The following MAGI2 variants were observed in gnomAD, a reference collection of about 807,000 sequenced individuals.
MAGI2 encodes membrane-associated guanylate kinase, WW and PDZ domain-containing protein 2.
A neutral mutation model predicts 133.3 loss-of-function variants in MAGI2; 35 were observed. The ratio of observed to expected loss-of-function variants is 0.26; its 90% confidence interval spans 0.20 to 0.35. The LOEUF (loss-of-function observed/expected upper bound fraction) is 0.35. MAGI2 is among the 10% of genes least tolerant of loss of function. The pLI is 1.00. For missense variants in MAGI2, 1,636 were observed against 1,863.4 expected (o/e 0.88, Z 2.25); for synonymous variants, 729 against 710.6 (o/e 1.03, Z -0.41).
chr7:78,676,711 A>G (rs997266615), intron 2 of MAGI2, among the ~76,000 whole-genome samples: 3 of 152,090 alleles, frequency 2.0e-5, no homozygotes, highest in African/African-American at 7.2e-5. Flanking sequence ...ATCTTATTAC[A>G]TTATGGATGA....
At chr7:79,427,718 G>C (rs572853023) in intron 1 of MAGI2, among the ~76,000 whole-genome samples, 1 of 152,264 alleles carries the variant, frequency 6.6e-6, no homozygotes, top group South Asian at 2.1e-4. Context: ...AATTCTTAAT[G>C]TCAGGCTAAA....
intron 2 of MAGI2, among the ~76,000 whole-genome samples, chr7:78,693,812 T>C (rs1817217703): frequency 6.6e-6 from 1 of 152,138 alleles, no homozygotes; most frequent in Non-Finnish European, 1.5e-5. Flanking sequence ...TGCATTTCCT[T>C]CTATCTTTTC....
intron 21 of MAGI2, among the ~76,000 whole-genome samples, chr7:78,044,706 C>CGCGTGT (rs556210728): frequency 0.016 from 1,841 of 113,604 alleles, 37 homozygotes; most frequent in African/African-American, 0.059. Flanking sequence ...TGTGTGTGTG[C>CGCGTGT]ACGTGTGCAC....
rs112026896 is a variant in MAGI2, at chr7:78,602,121, T to C, written c.538+24999A>G. On this transcript the variant is annotated intron_variant, in intron 3 of 21. Transcript: ENST00000354212. ...CAATTTCTCTTCTTTCACTCTCTCT[T>C]CTCCATACATTATAATTTCAGGAGA... is the stretch of plus-strand genomic sequence containing the variant. Among the ~76,000 whole-genome samples the C allele has an allele frequency of 7.9e-3, 1,205 of 152,218 alleles. 11 individuals are homozygous for C. Among genetic ancestry groups the C allele is most frequent in the African/African-American group, 0.028 (1,148 of 41,514 alleles).
chr7:78,537,169 CTA>C lies in MAGI2; in HGVS notation c.539-15526_539-15525del, dbSNP rs1491588490. ...CTTTTTATGGCTGAATAGTATTCCA[CTA>C]CACACACACACACACACACACACAC... On this transcript the variant is annotated intron_variant, in intron 3 of 21. Coordinates refer to ENST00000354212, the MANE Select transcript of MAGI2 (RefSeq NM_012301.4). Among the ~76,000 whole-genome samples, 298 of 93,736 alleles carry C rather than the reference CTA, an allele frequency of 3.2e-3. 5 individuals carry two copies. Among genetic ancestry groups the C allele is most frequent in the South Asian group, 0.023 (61 of 2,624 alleles). 61.5% of individuals were successfully genotyped at this position (93,736 alleles called of 152,430 possible).
chr7:78,364,906 T>C (rs1793214286), intron 7 of MAGI2, among the ~76,000 whole-genome samples: 1 of 152,244 alleles, frequency 6.6e-6, no homozygotes, highest in Admixed American at 6.5e-5. Flanking sequence ...TAGTGCTAAG[T>C]GCTGCACCAT....
At chr7:78,624,415 G>C (rs1808097282) in intron 3 of MAGI2, among the ~76,000 whole-genome samples, 1 of 152,096 alleles carries the variant, frequency 6.6e-6, no homozygotes, top group African/African-American at 2.4e-5. Context: ...GTTAATGAAA[G>C]ACTGGATAAA....
At chr7:79,163,798 A>G (rs1244483260) in intron 1 of MAGI2, among the ~76,000 whole-genome samples, 3 of 151,968 alleles carry the variant, frequency 2.0e-5, no homozygotes, top group African/African-American at 7.2e-5. Context: ...TCTTTTTGAT[A>G]TTTGTTACTA....
intron 2 of MAGI2, among the ~76,000 whole-genome samples, chr7:78,891,271 G>A (rs751561447): frequency 4.6e-5 from 7 of 152,226 alleles, no homozygotes; most frequent in East Asian, 1.9e-4. Context: ...AGGACCAGAC[G>A]GATTCAAAGC....
chr7:78,231,412 C>G (rs1437229710), intron 10 of MAGI2, among the ~76,000 whole-genome samples: 1 of 152,210 alleles, frequency 6.6e-6, no homozygotes, highest in Admixed American at 6.5e-5. Flanking sequence ...CCCCTGCGCT[C>G]TAAATGCCAG....
At chr7:78,928,946 A>T (rs1325451873) in intron 2 of MAGI2, among the ~76,000 whole-genome samples, 2 of 152,096 alleles carry the variant, frequency 1.3e-5, no homozygotes, top group Non-Finnish European at 2.9e-5. Context: ...AAATTAACAG[A>T]TACCATCCAA....
chr7:78,269,248 T>C (rs544417898), intron 9 of MAGI2, among the ~76,000 whole-genome samples: 1 of 152,258 alleles, frequency 6.6e-6, no homozygotes, highest in South Asian at 2.1e-4. Context: ...ATAAACATAT[T>C]TGTGCATGAG....
chr7:78,723,108 G>A (rs1201273402), intron 2 of MAGI2, among the ~76,000 whole-genome samples: 4 of 152,106 alleles, frequency 2.6e-5, no homozygotes, highest in Non-Finnish European at 5.9e-5. Context: ...GATCAAGGAA[G>A]CATCCATACT....
chr7:79,010,311 G>T (rs576543849), intron 1 of MAGI2, among the ~76,000 whole-genome samples: 2 of 152,058 alleles, frequency 1.3e-5, no homozygotes, highest in African/African-American at 4.8e-5. Context: ...ACATACATAG[G>T]TATAAAGGCA....
intron 9 of MAGI2, among the ~76,000 whole-genome samples, chr7:78,302,732 A>C (rs1460950581): frequency 1.3e-5 from 2 of 152,210 alleles, no homozygotes; most frequent in Non-Finnish European, 2.9e-5. Flanking sequence ...TCGAATAGGC[A>C]TTTAAAATTT....
At chr7:78,897,963 G>A (rs988543815) in intron 2 of MAGI2, among the ~76,000 whole-genome samples, 1 of 152,108 alleles carries the variant, frequency 6.6e-6, no homozygotes, top group African/African-American at 2.4e-5. Context: ...GTCTAATATC[G>A]AGCATCTATA....
intron 11 of MAGI2, among the ~76,000 whole-genome samples, chr7:78,195,627 A>T (rs528161407): frequency 1.3e-5 from 2 of 152,310 alleles, no homozygotes; most frequent in Admixed American, 1.3e-4. Context: ...GTCTTCTAGG[A>T]AGCCTCATTT....
In MAGI2 at chr7:78,256,182, A is replaced by C. The variant is rs1792955275; in HGVS notation, c.1808T>G (p.Leu603Arg). 11 of 1,614,004 alleles carry C rather than the reference A, an allele frequency of 6.8e-6. No homozygotes were observed. The East Asian group carries it at 1.8e-4, about 26-fold the overall frequency. Residue 603 changes from leucine (L) to arginine (R), a missense_variant, in exon 10 of 22, where the codon CTT becomes CGT. Transcript: ENST00000354212. ...MASSGATQAE[L>R]MTLTIVKGAQ... is the part of the protein sequence containing the mutation. ...ACCTTTCACAATGGTTAAGGTCATA[A>C]GTTCAGCTTGGGTGGCCCCAGATGA...
intron 1 of MAGI2, among the ~76,000 whole-genome samples, chr7:79,304,558 C>T (rs1837639707): frequency 6.6e-6 from 1 of 151,974 alleles, no homozygotes; most frequent in South Asian, 2.1e-4. Flanking sequence ...TGTGATAAAC[C>T]CTGGAGAGTG....
Sources: gnomAD v4.1 joint callset for allele counts (sites outside exome capture counted in the v4.1 genomes callset) on GRCh38, gnomAD v4.1.1 for gene constraint, MANE v1.5 for transcripts, NCBI Gene and HGNC (gene_info 2026-07-23, HGNC 2026-07-21) for gene names.